Variants in HPSE2 observed in about 807,000 individuals in gnomAD.
The protein encoded by HPSE2 is inactive heparanase-2.
A neutral mutation model predicts 60.5 loss-of-function variants in HPSE2; 38 were observed. That is an observed-to-expected ratio of 0.63 (90% confidence interval 0.48 to 0.82). HPSE2 has a LOEUF of 0.82. HPSE2 is among the 40% of genes least tolerant of loss of function. The pLI is 0.00. For synonymous variants in HPSE2, 295 were observed against 293.2 expected (o/e 1.01, Z -0.06); for missense variants, 713 against 740.4 (o/e 0.96, Z 0.43).
intron 6 of HPSE2, among the ~76,000 whole-genome samples, chr10:98,653,955 T>C (rs553574873): frequency 6.6e-6 from 1 of 152,100 alleles, no homozygotes; most frequent in South Asian, 2.1e-4. Flanking sequence ...CTTTCACTTT[T>C]CATGGATAAA....
chr10:98,514,880 G>A (rs1236746140), intron 9 of HPSE2, among the ~76,000 whole-genome samples: 2 of 151,322 alleles, frequency 1.3e-5, no homozygotes, highest in African/African-American at 4.9e-5. Flanking sequence ...CACCACACCC[G>A]GCTATTTTTT....
At chr10:98,557,640 A>C (rs555455760) in intron 9 of HPSE2, among the ~76,000 whole-genome samples, 1 of 152,186 alleles carries the variant, frequency 6.6e-6, no homozygotes, top group African/African-American at 2.4e-5. Context: ...TAAAGTTAAG[A>C]ATGTGTGTTT....
intron 3 of HPSE2, among the ~76,000 whole-genome samples, chr10:99,125,658 G>A (rs1204128354): frequency 6.6e-6 from 1 of 152,202 alleles, no homozygotes; most frequent in East Asian, 1.9e-4. Context: ...AAGCGTGAGA[G>A]GGGGAAAACA....
chr10:98,959,799 A>T (rs988995263), intron 3 of HPSE2, among the ~76,000 whole-genome samples: 2 of 152,138 alleles, frequency 1.3e-5, no homozygotes, highest in African/African-American at 4.8e-5. Context: ...GGGAAAGCTG[A>T]CACTAAGCTC....
chr10:98,989,850 A>C (rs183703817), intron 3 of HPSE2, among the ~76,000 whole-genome samples: 26 of 152,212 alleles, frequency 1.7e-4, no homozygotes, highest in Admixed American at 7.9e-4. Flanking sequence ...TTTTCATTTA[A>C]ATGCAGCTTT....
At chr10:98,559,043 T>C (rs1440030359) in intron 9 of HPSE2, among the ~76,000 whole-genome samples, 1 of 152,200 alleles carries the variant, frequency 6.6e-6, no homozygotes, top group Non-Finnish European at 1.5e-5. Context: ...TTCTTGTTTT[T>C]CTTTCGGAGA....
At chr10:99,281,247 A>G in the HPSE2 span, among the ~76,000 whole-genome samples, 2 of 148,508 alleles carry the variant, frequency 1.3e-5, no homozygotes, top group African/African-American at 4.9e-5. Context: ...TAGTGCCTAT[A>G]TTAATATATA....
At chr10:98,803,366 T>A (rs2134536717) in intron 3 of HPSE2, among the ~76,000 whole-genome samples, 1 of 150,684 alleles carries the variant, frequency 6.6e-6, no homozygotes, top group East Asian at 2.0e-4. Flanking sequence ...TTTCCATTGC[T>A]TTTGGTGTTT....
intron 9 of HPSE2, among the ~76,000 whole-genome samples, chr10:98,557,014 A>G (rs1455018844): frequency 3.3e-5 from 5 of 151,684 alleles, no homozygotes; most frequent in East Asian, 1.9e-4. Flanking sequence ...GATTGAGACC[A>G]TCCTGGCTAA....
At chr10:99,029,024 A>G (rs1231709115) in intron 3 of HPSE2, among the ~76,000 whole-genome samples, 1 of 152,228 alleles carries the variant, frequency 6.6e-6, no homozygotes, top group African/African-American at 2.4e-5. Flanking sequence ...AAACTATTAA[A>G]CTACTACAAG....
intron 3 of HPSE2, among the ~76,000 whole-genome samples, chr10:99,033,377 A>C (rs759381866): frequency 2.6e-5 from 4 of 152,198 alleles, no homozygotes; most frequent in Non-Finnish European, 5.9e-5. Context: ...TTTGCCAAAA[A>C]AGATATACAG....
rs562188045 is a variant in HPSE2 at position 99,230,679 on chromosome 10, A to G, written c.448+1669T>C. The stretch of plus-strand genomic sequence containing the variant: ...ATCTCATTGTTCTCAGTGTAACATA[A>G]TCCTAGGTACAAAGTTGGGAGAAAC... On this transcript the variant is annotated intron_variant, in intron 2 of 11. Transcript: ENST00000370552. 8.9e-4 allele frequency among the ~76,000 whole-genome samples: 135 copies of G among 152,258 alleles called. No individual in the cohort carries two copies. In the Middle Eastern group the frequency reaches 0.01, roughly 12 times the overall value.
chr10:98,670,095 G>A (rs146538132), intron 6 of HPSE2, among the ~76,000 whole-genome samples: 206 of 152,288 alleles, frequency 1.4e-3, no homozygotes, highest in African/African-American at 4.5e-3. Context: ...TCATTGTCAT[G>A]TTTCAAGGAA....
intron 9 of HPSE2, among the ~76,000 whole-genome samples, chr10:98,508,949 C>A (rs531452328): frequency 6.6e-6 from 1 of 152,268 alleles, no homozygotes; most frequent in Admixed American, 6.5e-5. Flanking sequence ...GGAGAGAAAA[C>A]GGCATTATTC....
rs1362869634 is a variant in HPSE2, at chr10:99,013,307, T to C, written c.610+130931A>G. ...ACCCAGCTTTTCTTAGGTCCTCATG[T>C]GCTAACATTTTATAGAGTTCTCTAG... On this transcript the variant is annotated intron_variant, in intron 3 of 11. Coordinates refer to ENST00000370552, the MANE Select transcript of HPSE2 (RefSeq NM_021828.5). 9.7e-6 allele frequency: 6 copies of C among 620,852 alleles called. No homozygotes were observed. In the East Asian group the frequency reaches 1.1e-4, roughly 11 times the overall value. 38.5% of individuals were successfully genotyped at this position (620,852 alleles called of 1,614,324 possible). A position where few individuals can be genotyped will look rare whatever the true frequency, so the allele number is the denominator to read the frequency against.
intron 3 of HPSE2, among the ~76,000 whole-genome samples, chr10:98,801,605 A>G (rs1950909425): frequency 6.6e-6 from 1 of 152,168 alleles, no homozygotes; most frequent in African/African-American, 2.4e-5. Context: ...TACATTAGCC[A>G]CAAATAAAAT....
chr10:99,012,256 T>C (rs1189827092), intron 3 of HPSE2, among the ~76,000 whole-genome samples: 2 of 152,144 alleles, frequency 1.3e-5, no homozygotes, highest in Non-Finnish European at 1.5e-5. Context: ...GTAATTTAGA[T>C]GCCATAAGAA....
chr10:99,221,738 G>A (rs1019489508), intron 2 of HPSE2, among the ~76,000 whole-genome samples: 1 of 152,118 alleles, frequency 6.6e-6, no homozygotes, highest in Non-Finnish European at 1.5e-5. Flanking sequence ...AGAGAGGGTA[G>A]AAGTAGAGTA....
intron 3 of HPSE2, among the ~76,000 whole-genome samples, chr10:98,749,947 T>TATATATATATATATATATATACAC: frequency 0.012 from 1,213 of 98,336 alleles, 20 homozygotes; most frequent in Middle Eastern, 0.032. Context: ...TATATATATA[T>TATATATATATATATATATATACAC]ACACACACAC....
Sources: gnomAD v4.1 joint callset for allele counts (sites outside exome capture counted in the v4.1 genomes callset) on GRCh38, gnomAD v4.1.1 for gene constraint, MANE v1.5 for transcripts, NCBI Gene and HGNC (gene_info 2026-07-23, HGNC 2026-07-21) for gene names.